GNL3L: variants seen among roughly 807,000 people sequenced by gnomAD.
GNL3L encodes guanine nucleotide-binding protein-like 3-like protein.
Under a neutral mutation model 42.9 loss-of-function variants are expected in GNL3L, and 4 were observed. That is an observed-to-expected ratio of 0.09 (90% CI 0.05 to 0.21). The LOEUF (loss-of-function observed/expected upper bound fraction) is 0.21, where lower values mean the gene tolerates loss of function less well. GNL3L is among the 10% of genes least tolerant of loss of function. The pLI is 1.00. For missense variants in GNL3L, 412 were observed against 481.7 expected (o/e 0.86, Z 1.36); for synonymous variants, 159 against 176.3 (o/e 0.90, Z 0.78).
At chrX:54,636,360 CCTTTAT>C in the GNL3L span, among the ~76,000 whole-genome samples, 10 of 111,747 alleles carry the variant, frequency 8.9e-5, no homozygotes, top group East Asian at 2.8e-3. Context: ...TTTGAAGTTG[CCTTTAT>C]CTTTCTTTTT....
intron 2 of GNL3L, among the ~76,000 whole-genome samples, chrX:54,533,303 GGTT>G (rs1219464606): frequency 2.7e-4 from 29 of 108,423 alleles, no homozygotes; most frequent in Admixed American, 1.5e-3. Context: ...GGGAAGCAGA[GGTT>G]GTGGTGAGCC....
At chrX:54,584,433 C>T (rs1291827056) in intron 16 of GNL3L, among the ~76,000 whole-genome samples, 16 of 111,449 alleles carry the variant, frequency 1.4e-4, no homozygotes. Flanking sequence ...ATGATCAAAT[C>T]AGGGTAATTA....
chrX:54,577,134 C>T (rs751820624), intron 16 of GNL3L, among the ~76,000 whole-genome samples: 3 of 112,243 alleles, frequency 2.7e-5, no homozygotes, highest in African/African-American at 6.5e-5. Context: ...CTAGGAATCA[C>T]AAATAAGTGG....
chrX:54,599,727 T>A (rs1312084096), intron 16 of GNL3L, among the ~76,000 whole-genome samples: 4 of 111,130 alleles, frequency 3.6e-5, no homozygotes, highest in African/African-American at 1.3e-4. Flanking sequence ...CACAGGTTGC[T>A]GAGGCTCTCT....
the GNL3L span, among the ~76,000 whole-genome samples, chrX:54,641,410 T>C: frequency 9.0e-6 from 1 of 111,675 alleles, no homozygotes; most frequent in Non-Finnish European, 1.9e-5. Flanking sequence ...TTAAGAGTTC[T>C]GGGAAGGCTT....
At chrX:54,603,558 G>T (rs907815658) in intron 16 of GNL3L, among the ~76,000 whole-genome samples, 3 of 111,402 alleles carry the variant, frequency 2.7e-5, no homozygotes, top group East Asian at 2.8e-4. Context: ...CAAACTTAAC[G>T]TTAGCAGCAA....
chrX:54,617,297 TCTC>T (rs1234644250), intron 16 of GNL3L, among the ~76,000 whole-genome samples: 1 of 111,975 alleles, frequency 8.9e-6, no homozygotes, highest in African/African-American at 3.2e-5. Flanking sequence ...CCATAAGCCT[TCTC>T]CTTCACACAA....
At chrX:54,545,764 CA>C (rs1396732090) in intron 8 of GNL3L, among the ~76,000 whole-genome samples, 2 of 112,078 alleles carry the variant, frequency 1.8e-5, no homozygotes, top group African/African-American at 6.5e-5. Context: ...AATACCCTTT[CA>C]CCAGTCTCCC....
chrX:54,583,288 G>A (rs952210231), intron 16 of GNL3L, among the ~76,000 whole-genome samples: 1 of 110,856 alleles, frequency 9.0e-6, no homozygotes, highest in Admixed American at 9.7e-5. Flanking sequence ...CGCCTCCTGG[G>A]TTCAAGCGAT....
chrX:54,617,095 C>T (rs1926229617), intron 16 of GNL3L, among the ~76,000 whole-genome samples: 1 of 111,837 alleles, frequency 8.9e-6, no homozygotes, highest in Non-Finnish European at 1.9e-5. Flanking sequence ...ATTTCAAGTC[C>T]ATGTGCCAAG....
intron 16 of GNL3L, among the ~76,000 whole-genome samples, chrX:54,603,284 A>G (rs1206105966): frequency 8.9e-6 from 1 of 111,815 alleles, no homozygotes; most frequent in Non-Finnish European, 1.9e-5. Flanking sequence ...CAATCAATGG[A>G]AAGAAGAGAG....
intron 9 of GNL3L, 33 bp from the exon 10 acceptor site, chrX:54,550,930 T>G: frequency 2.6e-6 from 2 of 775,095 alleles, no homozygotes; most frequent in Non-Finnish European, 4.0e-6. Context: ...TGAGGGCCTC[T>G]TCTGCCCTGA....
At chrX:54,619,650 C>T (rs1926264473) in intron 16 of GNL3L, among the ~76,000 whole-genome samples, 1 of 110,780 alleles carries the variant, frequency 9.0e-6, no homozygotes, top group South Asian at 3.9e-4. Flanking sequence ...GCCACTGTGC[C>T]CAGCCTGTTT....
intron 16 of GNL3L, among the ~76,000 whole-genome samples, chrX:54,604,926 A>G (rs1169059020): frequency 9.0e-6 from 1 of 111,682 alleles, no homozygotes; most frequent in African/African-American, 3.3e-5. Context: ...TGCTAACCCA[A>G]TATATATTAG....
the GNL3L span, among the ~76,000 whole-genome samples, chrX:54,635,719 T>C: frequency 2.8e-5 from 3 of 107,785 alleles, no homozygotes; most frequent in Non-Finnish European, 3.8e-5. Flanking sequence ...TAGGATTTCC[T>C]TGAATGTCAG....
the GNL3L span, among the ~76,000 whole-genome samples, chrX:54,637,181 A>T: frequency 1.8e-5 from 2 of 111,121 alleles, no homozygotes; most frequent in African/African-American, 6.5e-5. Flanking sequence ...TGCCTACTTC[A>T]CCATTTTGCC....
rs775069142 is a variant in GNL3L at position 54,577,016 on chromosome X, T to C, written c.*45+16369T>C. Among the ~76,000 whole-genome samples, 7 of 111,976 alleles carry C rather than the reference T, an allele frequency of 6.3e-5. No homozygotes were observed. The East Asian group carries it at 1.4e-3, about 22-fold the overall frequency. ...CATCTATCTCCAGAACTTTTTCATC[T>C]TCACCAAATGAAACTCTGTACTCTC... On this transcript the variant is annotated intron_variant, in intron 16 of 16. Transcript: ENST00000674498.
At chrX:54,583,505 T>C (rs770231095) in intron 16 of GNL3L, among the ~76,000 whole-genome samples, 1 of 111,320 alleles carries the variant, frequency 9.0e-6, no homozygotes, top group African/African-American at 3.3e-5. Context: ...TTGATTTTTT[T>C]TCTTTATAGA....
chrX:54,568,578 G>A (rs183769144), downstream of GNL3L, among the ~76,000 whole-genome samples: 139 of 105,641 alleles, frequency 1.3e-3, no homozygotes, highest in African/African-American at 4.6e-3. Context: ...TTGAGACGGA[G>A]TCTCACACAC....
Sources: allele counts gnomAD v4.1 joint callset (sites outside exome capture counted in the v4.1 genomes callset), GRCh38; gene constraint gnomAD v4.1.1; transcripts MANE v1.5; gene names NCBI Gene and HGNC (gene_info 2026-07-23, HGNC 2026-07-21).